The following SLC39A8 variants were observed in gnomAD, a reference collection of about 807,000 sequenced individuals.
SLC39A8 encodes metal cation symporter ZIP8.
Under a neutral mutation model 40.4 loss-of-function variants are expected in SLC39A8, and 15 were observed. The observed-to-expected ratio is 0.37, with a 90% CI of 0.25 to 0.57. The LOEUF is 0.57. Among genes scored for constraint, SLC39A8 ranks in the 20% least tolerant of loss-of-function variants. SLC39A8 has a pLI of 0.75. For synonymous variants in SLC39A8, 223 were observed against 221.6 expected (o/e 1.01, Z -0.06); for missense variants, 472 against 558.8 (o/e 0.84, Z 1.57).
chr4:102,259,457 T>C (rs1191375198), downstream of SLC39A8: 2 of 1,542,876 alleles, frequency 1.3e-6, no homozygotes, highest in East Asian at 2.4e-5. Flanking sequence ...ATTCTTACCG[T>C]ATATATCCAA....
intron 6 of SLC39A8, among the ~76,000 whole-genome samples, chr4:102,280,436 T>G (rs1207184429): frequency 6.6e-6 from 1 of 152,198 alleles, no homozygotes; most frequent in Non-Finnish European, 1.5e-5. Flanking sequence ...GTTAAATAAG[T>G]TTTCATGAAA....
chr4:102,271,126 G>A (rs1414731077), intron 6 of SLC39A8, among the ~76,000 whole-genome samples: 1 of 151,904 alleles, frequency 6.6e-6, no homozygotes, highest in Non-Finnish European at 1.5e-5. Flanking sequence ...GGTGGAGCAT[G>A]TGGAGAAGGA....
chr4:102,267,160 C>T (rs749467077), intron 8 of SLC39A8, among the ~76,000 whole-genome samples: 16 of 152,120 alleles, frequency 1.1e-4, no homozygotes, highest in Non-Finnish European at 5.9e-5. Flanking sequence ...GAGAAAAAGT[C>T]CTATAGGGAC....
At position 102,335,119 on chromosome 4, in the gene SLC39A8, G is replaced by A. The variant is rs116614084; in HGVS notation, c.219+9325C>T. ...ATGCTAATGTGTAGGTGAAGTAACC[G>A]AATAATATACTTACGTTCTGGGGAA... On this transcript the variant is annotated intron_variant, in intron 2 of 8. Transcript: ENST00000356736. Among the ~76,000 whole-genome samples the A allele has an allele frequency of 6.7e-3, 1,025 of 152,214 alleles. 12 individuals carry two copies. The highest frequency in any genetic ancestry group is 0.023 in the African/African-American group (938 of 41,522).
At position 102,292,434 on chromosome 4, in the gene SLC39A8, T is replaced by C. The variant is rs545723021; in HGVS notation, c.840+11883A>G. ...TCTCTGCAAACTGCCATGGAGGCCC[T>C]GTTCTCTTAGTCTATTCTGGAAGCC... On this transcript the variant is annotated intron_variant, in intron 6 of 8. Transcript: ENST00000356736. Among the ~76,000 whole-genome samples, 7 of 152,268 alleles carry C rather than the reference T, an allele frequency of 4.6e-5. 1 individual carries two copies. The highest frequency in any genetic ancestry group is 1.7e-4 in the African/African-American group (7 of 41,578).
intron 6 of SLC39A8, among the ~76,000 whole-genome samples, chr4:102,289,519 T>G (rs970886213): frequency 6.6e-6 from 1 of 152,116 alleles, no homozygotes; most frequent in Admixed American, 6.6e-5. Context: ...ATTCCTATAA[T>G]GAATCTCAGC....
chr4:102,326,454 G>A (rs528072350), intron 2 of SLC39A8, among the ~76,000 whole-genome samples: 14 of 152,262 alleles, frequency 9.2e-5, no homozygotes, highest in East Asian at 5.8e-4. Flanking sequence ...CCAGCTACTC[G>A]GGAGGCTGAG....
chr4:102,271,322 A>C (rs1732355314), intron 6 of SLC39A8, among the ~76,000 whole-genome samples: 1 of 152,162 alleles, frequency 6.6e-6, no homozygotes, highest in Non-Finnish European at 1.5e-5. Context: ...ATTCCACTAA[A>C]TCTCATAAAA....
At position 102,263,166 on chromosome 4, in the gene SLC39A8, C is replaced by G. The variant is rs1731942438; in HGVS notation, c.1261G>C (p.Glu421Gln). The G allele has an allele frequency of 6.2e-7, 1 of 1,613,488 alleles. No individual in the cohort carries two copies. The highest frequency in any genetic ancestry group is 1.7e-5 in the Admixed American group (1 of 59,984). ...TCGGTTTTTCTTCCAGTTACCTTTT[C>G]TCTCAGCATATCATTCATCTCTGGA... ...MFPEMNDMLREKVTGRKTDFT... is the reference protein window; with the variant it reads ...MFPEMNDMLRQKVTGRKTDFT... Residue 421 changes from glutamate (E) to glutamine (Q), a missense_variant, in exon 9 of 9, where the codon GAA becomes CAA. Glu to Gln is a conservative substitution (Grantham distance 29). This residue lies in a region of SLC39A8 where 50 missense variants were observed against 50.5 expected (regional missense o/e 0.99). Coordinates refer to ENST00000356736, the MANE Select transcript of SLC39A8 (RefSeq NM_001135146.2).
chr4:102,253,506 C>T, intron 11 of SLC39A8: 1 of 651,760 alleles, frequency 1.5e-6, no homozygotes, highest in South Asian at 1.8e-5. Flanking sequence ...TTTCAGTCCT[C>T]TAAGTTGTTA....
At chr4:102,252,529 T>C (rs1422580395) in exon 12 of SLC39A8, 3 of 152,234 alleles carry the variant, frequency 2.0e-5, no homozygotes, top group Non-Finnish European at 4.4e-5. Context: ...TTTGCTTTAA[T>C]TACTAGCAGT....
intron 2 of SLC39A8, among the ~76,000 whole-genome samples, chr4:102,326,084 G>A (rs1735185077): frequency 6.6e-6 from 1 of 152,152 alleles, no homozygotes; most frequent in Non-Finnish European, 1.5e-5. Flanking sequence ...TCTTCAGGGG[G>A]CAGAGGCCAC....
rs201240987 is a variant in SLC39A8 at position 102,321,248 on chromosome 4, T to G, written c.220-5418A>C. Among the ~76,000 whole-genome samples, 11 of 152,084 alleles carry G rather than the reference T, an allele frequency of 7.2e-5. No homozygotes were observed. The East Asian group carries it at 2.1e-3, about 29-fold the overall frequency. ...AGGGAGAAATGATATGCAGAGGAAA[T>G]AGTCAAAAACAACATTGACGATAGA... On this transcript the variant is annotated intron_variant, in intron 2 of 8. Coordinates refer to ENST00000356736, the MANE Select transcript of SLC39A8 (RefSeq NM_001135146.2).
chr4:102,305,766 G>A (rs542070398), intron 4 of SLC39A8, among the ~76,000 whole-genome samples: 1 of 152,092 alleles, frequency 6.6e-6, no homozygotes, highest in Non-Finnish European at 1.5e-5. Flanking sequence ...ACAAAGAACT[G>A]GAGTTAGAGT....
At chr4:102,324,868 T>A (rs569659566) in intron 2 of SLC39A8, among the ~76,000 whole-genome samples, 1 of 152,142 alleles carries the variant, frequency 6.6e-6, no homozygotes, top group African/African-American at 2.4e-5. Flanking sequence ...TTGAAACAAG[T>A]GAACCGTCCC....
chr4:102,310,719 C>A (rs1321514700), intron 3 of SLC39A8, among the ~76,000 whole-genome samples: 1 of 152,080 alleles, frequency 6.6e-6, no homozygotes, highest in Non-Finnish European at 1.5e-5. Flanking sequence ...TTCCACTTAA[C>A]TGAAGCACCA....
downstream of SLC39A8, among the ~76,000 whole-genome samples, chr4:102,256,718 C>T (rs1560520640): frequency 6.6e-6 from 1 of 152,190 alleles, no homozygotes; most frequent in African/African-American, 2.4e-5. Flanking sequence ...TGTATTCCTT[C>T]TCCTGCCAAA....
rs1205169086 is a variant in SLC39A8 at position 102,344,865 on chromosome 4, G to A, written c.-203C>T. 5 of 1,309,224 alleles carry A rather than the reference G, an allele frequency of 3.8e-6. No individual in the cohort carries two copies. Among genetic ancestry groups the A allele is most frequent in the Non-Finnish European group, 4.8e-6 (5 of 1,034,516 alleles). The allele number at this position is 1,309,224 out of a possible 1,614,324, so 81.1% of individuals were successfully genotyped here. A position where few individuals can be genotyped will look rare whatever the true frequency, so the allele number is the denominator to read the frequency against. ...ACCTGCGGGGCATTGAAGTGGCAGCGTAGCCGAGGGGAGCGATAGGCGGAG... is the reference window on the plus strand; with the variant it reads ...ACCTGCGGGGCATTGAAGTGGCAGCATAGCCGAGGGGAGCGATAGGCGGAG... On this transcript the variant is annotated 5_prime_UTR_variant, in exon 2 of 9. The change creates a new upstream start codon in the 5' untranslated region. Transcript: ENST00000356736.
intron 6 of SLC39A8, among the ~76,000 whole-genome samples, chr4:102,299,975 C>T (rs1037186223): frequency 4.6e-5 from 7 of 152,016 alleles, no homozygotes; most frequent in South Asian, 2.1e-4. Flanking sequence ...TACACAGGAA[C>T]GTCGAAGAGA....
Sources: allele counts gnomAD v4.1 joint callset (sites outside exome capture counted in the v4.1 genomes callset), GRCh38; gene constraint gnomAD v4.1.1; regional missense constraint gnomAD v4.1.1; transcripts MANE v1.5; gene names NCBI Gene and HGNC (gene_info 2026-07-23, HGNC 2026-07-21).